SUPT3H: variants seen among roughly 807,000 people sequenced by gnomAD.
SUPT3H encodes SPT3 homolog, SAGA and STAGA complex component.
A neutral mutation model predicts 44.3 loss-of-function variants in SUPT3H; 44 were observed. The observed-to-expected ratio is 0.99, with a 90% confidence interval of 0.78 to 1.28. SUPT3H has a LOEUF of 1.28. Among genes scored for constraint, SUPT3H ranks in the 50% most tolerant of loss-of-function variants. The pLI, the probability that SUPT3H is intolerant of heterozygous loss-of-function variation, is 0.00. For missense variants in SUPT3H, 380 were observed against 387.1 expected, an observed-to-expected ratio of 0.98 and a Z score of 0.15; for synonymous variants, 124 against 125.6, an observed-to-expected ratio of 0.99 and a Z score of 0.09.
chr6:45,221,092 A>G (rs1029018751), intron 2 of SUPT3H, among the ~76,000 whole-genome samples: 1 of 152,212 alleles, frequency 6.6e-6, no homozygotes, highest in African/African-American at 2.4e-5. Context: ...ATAAAGCTGG[A>G]AACTATTATT....
In SUPT3H at chr6:44,833,860, C is replaced by CACTT. The variant is rs753325488; in HGVS notation, c.913-4007_913-4004dup. The stretch of plus-strand genomic sequence containing the variant: ...AACAAACTCAGTTCTTGCTAAACAT[C>CACTT]ACTTAAAGGGTAAATTACAATTTTA... On this transcript the variant is annotated intron_variant, in intron 10 of 10. Coordinates refer to ENST00000371459, the MANE Select transcript of SUPT3H (RefSeq NM_003599.4). Among the ~76,000 whole-genome samples the CACTT allele has an allele frequency of 1.3e-5, 2 of 152,130 alleles. 1 individual carries two copies. The highest frequency in any genetic ancestry group is 1.3e-4 in the Admixed American group (2 of 15,250).
chr6:45,198,075 C>T (rs72857015), intron 2 of SUPT3H, among the ~76,000 whole-genome samples: 2,556 of 151,354 alleles, frequency 0.017, 39 homozygotes, highest in South Asian at 0.042. Flanking sequence ...GTCTGCTGAA[C>T]AAGATATTAT....
At chr6:45,279,901 C>A (rs1403621749) in intron 2 of SUPT3H, among the ~76,000 whole-genome samples, 1 of 152,038 alleles carries the variant, frequency 6.6e-6, no homozygotes, top group South Asian at 2.1e-4. Flanking sequence ...TTTAACATAA[C>A]CAAAACTTAA....
chr6:44,985,904 A>C (rs16873012), intron 6 of SUPT3H, among the ~76,000 whole-genome samples: 1 of 152,190 alleles, frequency 6.6e-6, no homozygotes, highest in Non-Finnish European at 1.5e-5. Context: ...TAAATAACTG[A>C]GTGTCCTTGG....
At chr6:44,852,676 T>C (rs1773079457) in intron 10 of SUPT3H, among the ~76,000 whole-genome samples, 1 of 152,240 alleles carries the variant, frequency 6.6e-6, no homozygotes, top group African/African-American at 2.4e-5. Flanking sequence ...CATACTATTT[T>C]CATAGAAGAA....
chr6:45,090,327 T>C (rs1008912048), intron 3 of SUPT3H, among the ~76,000 whole-genome samples: 1 of 152,110 alleles, frequency 6.6e-6, no homozygotes, highest in South Asian at 2.1e-4. Context: ...AGAACAGCCA[T>C]TAGGTCTTTA....
chr6:45,053,703 C>T (rs1198346148), intron 3 of SUPT3H, among the ~76,000 whole-genome samples: 2 of 143,718 alleles, frequency 1.4e-5, no homozygotes, highest in African/African-American at 5.3e-5. Flanking sequence ...TCAAGACCAT[C>T]CTGTCTAACA....
At chr6:45,020,671 A>C (rs770644937) in intron 3 of SUPT3H, 39 bp from the exon 4 acceptor site, 1 of 1,463,318 alleles carries the variant, frequency 6.8e-7, no homozygotes, top group South Asian at 1.2e-5. Context: ...TCTCAGTAAC[A>C]CAAATTATAT....
At chr6:44,940,296 T>C (rs1337661966) in intron 9 of SUPT3H, among the ~76,000 whole-genome samples, 1 of 152,104 alleles carries the variant, frequency 6.6e-6, no homozygotes, top group East Asian at 1.9e-4. Flanking sequence ...AATTTCTTCA[T>C]TAATCCCATG....
At chr6:44,903,101 T>C (rs1765376965) in intron 10 of SUPT3H, among the ~76,000 whole-genome samples, 1 of 152,042 alleles carries the variant, frequency 6.6e-6, no homozygotes, top group Non-Finnish European at 1.5e-5. Context: ...ACTGACACCC[T>C]AACATCACAA....
At chr6:44,863,348 G>A (rs1042634844) in intron 10 of SUPT3H, among the ~76,000 whole-genome samples, 2 of 152,286 alleles carry the variant, frequency 1.3e-5, no homozygotes, top group African/African-American at 4.8e-5. Context: ...AAGGGGTAAT[G>A]TGCTATGGGG....
chr6:44,979,388 T>C (rs1373962566), intron 6 of SUPT3H, among the ~76,000 whole-genome samples: 1 of 152,220 alleles, frequency 6.6e-6, no homozygotes, highest in Admixed American at 6.5e-5. Context: ...CAAATTAGTA[T>C]GAGTCTTAGG....
intron 3 of SUPT3H, among the ~76,000 whole-genome samples, chr6:45,100,541 T>A (rs1358142334): frequency 3.3e-4 from 11 of 33,450 alleles, no homozygotes; most frequent in Middle Eastern, 0.036. Context: ...ACCCTGTACT[T>A]AAAAAAAAAA....
chr6:45,192,685 A>G (rs1002638930), intron 2 of SUPT3H, among the ~76,000 whole-genome samples: 22 of 152,136 alleles, frequency 1.4e-4, no homozygotes, highest in African/African-American at 5.3e-4. Flanking sequence ...TCCTTACTTA[A>G]TATTTCGAAT....
intron 2 of SUPT3H, among the ~76,000 whole-genome samples, chr6:45,255,423 T>G (rs1420173729): frequency 1.3e-5 from 2 of 149,852 alleles, no homozygotes; most frequent in Admixed American, 6.7e-5. Context: ...AATAGGTTTT[T>G]TTTTTTTTTT....
intron 2 of SUPT3H, among the ~76,000 whole-genome samples, chr6:45,132,404 A>G (rs1803610112): frequency 6.6e-6 from 1 of 152,138 alleles, no homozygotes. Flanking sequence ...ACTTTTAAAC[A>G]TTTTCCCTAC....
chr6:44,919,989 C>T (rs1768415837), intron 10 of SUPT3H, among the ~76,000 whole-genome samples: 1 of 152,120 alleles, frequency 6.6e-6, no homozygotes, highest in East Asian at 1.9e-4. Flanking sequence ...GGCGATTCTC[C>T]TGCCTCAGCC....
At chr6:45,122,449 G>GT (rs1801813420) in intron 2 of SUPT3H, among the ~76,000 whole-genome samples, 1 of 152,090 alleles carries the variant, frequency 6.6e-6, no homozygotes, top group East Asian at 1.9e-4. Flanking sequence ...AAGAAAAAAG[G>GT]TTTTTAAATA....
At chr6:45,107,411 C>T (rs1221989049) in intron 2 of SUPT3H, among the ~76,000 whole-genome samples, 1 of 151,970 alleles carries the variant, frequency 6.6e-6, no homozygotes, top group Non-Finnish European at 1.5e-5. Flanking sequence ...ATTGAGAAAC[C>T]TAACATAAAA....
Sources: gnomAD v4.1 joint callset for allele counts (sites outside exome capture counted in the v4.1 genomes callset) on GRCh38, gnomAD v4.1.1 for gene constraint, MANE v1.5 for transcripts, NCBI Gene and HGNC (gene_info 2026-07-23, HGNC 2026-07-21) for gene names.